TCF12: variants seen among roughly 807,000 people sequenced by gnomAD.
TCF12 encodes DNA-binding protein HTF4.
A neutral mutation model predicts 86.0 loss-of-function variants in TCF12; 45 were observed. That is an observed-to-expected ratio of 0.52 (90% CI 0.41 to 0.67). The LOEUF (loss-of-function observed/expected upper bound fraction) is 0.67. TCF12 is among the 30% of genes least tolerant of loss of function. The probability of loss-of-function intolerance (pLI) is 0.00; values close to 1 mark genes in which losing one functional copy is unlikely to be tolerated. For missense variants in TCF12, 881 were observed against 859.9 expected, an observed-to-expected ratio of 1.02 and a Z score of -0.31; for synonymous variants, 330 against 299.6, an observed-to-expected ratio of 1.10 and a Z score of -1.05.
intron 12 of TCF12, among the ~76,000 whole-genome samples, chr15:57,239,698 T>C (rs2059533344): frequency 6.6e-6 from 1 of 150,936 alleles, no homozygotes; most frequent in South Asian, 2.1e-4. Flanking sequence ...CATTAGAGAA[T>C]TGTGGATATC....
At chr15:57,010,993 G>C (rs1258813362) in intron 3 of TCF12, among the ~76,000 whole-genome samples, 1 of 152,122 alleles carries the variant, frequency 6.6e-6, no homozygotes, top group African/African-American at 2.4e-5. Flanking sequence ...TTTAAGGTAA[G>C]TGAGGTGGGA....
chr15:57,009,166 G>C (rs1450682807), intron 3 of TCF12, among the ~76,000 whole-genome samples: 1 of 152,104 alleles, frequency 6.6e-6, no homozygotes, highest in Non-Finnish European at 1.5e-5. Flanking sequence ...TGTAGTGCAA[G>C]GGTATGATCC....
intron 5 of TCF12, among the ~76,000 whole-genome samples, chr15:57,126,286 C>T (rs1567474104): frequency 6.6e-6 from 1 of 152,078 alleles, no homozygotes; most frequent in Non-Finnish European, 1.5e-5. Context: ...CCTCAACAGT[C>T]CATAGTAATT....
chr15:56,950,881 C>G (rs923499124), intron 3 of TCF12, among the ~76,000 whole-genome samples: 20 of 150,854 alleles, frequency 1.3e-4, no homozygotes, highest in African/African-American at 4.4e-4. Flanking sequence ...CTCAGCCTCC[C>G]GAGTAGCTGG....
chr15:57,238,493 A>G (rs1402479638), intron 12 of TCF12, among the ~76,000 whole-genome samples: 1 of 152,152 alleles, frequency 6.6e-6, no homozygotes, highest in African/African-American at 2.4e-5. Flanking sequence ...GAAATAGTGA[A>G]ACCTCACCAT....
At chr15:57,060,745 A>AT (rs1246890274) in intron 3 of TCF12, among the ~76,000 whole-genome samples, 3 of 152,044 alleles carry the variant, frequency 2.0e-5, no homozygotes, top group African/African-American at 4.8e-5. Context: ...GTCAATAGGT[A>AT]TTTTTTTCAG....
At position 57,192,045 on chromosome 15, in the gene TCF12, C is replaced by A; in HGVS notation, c.391-113C>A. 8 of 1,172,074 alleles carry A rather than the reference C, an allele frequency of 6.8e-6. No individual in the cohort carries two copies. The South Asian group carries it at 1.2e-4, about 18-fold the overall frequency. The allele number at this position is 1,172,074 out of a possible 1,614,324, so 72.6% of individuals were successfully genotyped here. ...GAATTCAAAACGTACTTAATGGGTG[C>A]GTTCTAAGTTAAGACATTGCTGAAG... On this transcript the variant is annotated intron_variant, in intron 6 of 20. Coordinates refer to ENST00000333725, the MANE Select transcript of TCF12 (RefSeq NM_207037.2).
intron 3 of TCF12, among the ~76,000 whole-genome samples, chr15:56,950,787 G>C (rs1248023968): frequency 2.3e-5 from 1 of 42,844 alleles, no homozygotes; most frequent in African/African-American, 8.5e-5. Flanking sequence ...TTAGAGTTTT[G>C]CTCTTATTGC....
chr15:56,947,545 T>G (rs879459484), intron 3 of TCF12, among the ~76,000 whole-genome samples: 2 of 152,188 alleles, frequency 1.3e-5, no homozygotes, highest in Non-Finnish European at 2.9e-5. Context: ...AGGATGATGG[T>G]AGAGTTCACC....
intron 3 of TCF12, among the ~76,000 whole-genome samples, chr15:57,058,113 A>G (rs566456131): frequency 5.3e-5 from 8 of 152,338 alleles, no homozygotes; most frequent in Admixed American, 2.6e-4. Context: ...CTCAAAATAC[A>G]GTGACCACCA....
intron 18 of TCF12, among the ~76,000 whole-genome samples, chr15:57,269,242 GTCT>G (rs1251277520): frequency 1.3e-5 from 2 of 151,610 alleles, no homozygotes; most frequent in Non-Finnish European, 2.9e-5. Flanking sequence ...GGATAGTTAG[GTCT>G]TCTTGTTGCA....
chr15:57,020,697 TA>T (rs1476615434), intron 3 of TCF12, among the ~76,000 whole-genome samples: 3 of 152,218 alleles, frequency 2.0e-5, no homozygotes, highest in Admixed American at 6.5e-5. Context: ...TTAATTGGTT[TA>T]TTTTTTTATA....
At chr15:57,045,544 T>C (rs1298345044) in intron 3 of TCF12, among the ~76,000 whole-genome samples, 1 of 152,028 alleles carries the variant, frequency 6.6e-6, no homozygotes, top group African/African-American at 2.4e-5. Context: ...TTTGCGTTAT[T>C]GTTTTAGTTT....
chr15:57,278,618 C>T (rs553208381), intron 19 of TCF12: 8 of 213,256 alleles, frequency 3.8e-5, no homozygotes, highest in African/African-American at 1.8e-4. Context: ...GAGGGTGGCA[C>T]ATCTCACACA....
intron 3 of TCF12, among the ~76,000 whole-genome samples, chr15:56,971,184 G>C (rs2140742876): frequency 1.3e-5 from 2 of 152,296 alleles, no homozygotes; most frequent in South Asian, 4.1e-4. Flanking sequence ...AGCACTTTGG[G>C]AGGCCGAGGT....
intron 5 of TCF12, among the ~76,000 whole-genome samples, chr15:57,104,445 T>TC (rs1225628929): frequency 6.7e-4 from 97 of 145,392 alleles, no homozygotes; most frequent in African/African-American, 2.4e-3. Context: ...CTTTTTTTTT[T>TC]TTTTTTTTTT....
chr15:57,283,200 T>G (rs1448943492), intron 20 of TCF12, among the ~76,000 whole-genome samples: 1 of 152,184 alleles, frequency 6.6e-6, no homozygotes, highest in East Asian at 1.9e-4. Context: ...TTTTACTTGT[T>G]CAAAGACTGT....
intron 3 of TCF12, among the ~76,000 whole-genome samples, chr15:56,929,948 C>T (rs1161226724): frequency 5.3e-5 from 8 of 152,106 alleles, no homozygotes; most frequent in African/African-American, 7.2e-5. Context: ...TCTCTGGAGG[C>T]GGCCTCCCTC....
intron 5 of TCF12, among the ~76,000 whole-genome samples, chr15:57,140,201 A>G (rs1311564955): frequency 6.6e-6 from 1 of 152,232 alleles, no homozygotes; most frequent in Non-Finnish European, 1.5e-5. Context: ...GTATATGCAT[A>G]CAACAGAATA....
Sources: gnomAD v4.1 joint callset for allele counts (sites outside exome capture counted in the v4.1 genomes callset) on GRCh38, gnomAD v4.1.1 for gene constraint, MANE v1.5 for transcripts, NCBI Gene and HGNC (gene_info 2026-07-23, HGNC 2026-07-21) for gene names.